The following CNTN6 variants were observed in gnomAD, a reference collection of about 807,000 sequenced individuals.
The protein encoded by CNTN6 is contactin 6.
A neutral mutation model predicts 122.8 loss-of-function variants in CNTN6; 137 were observed. The observed-to-expected ratio is 1.12, with a 90% confidence interval of 0.97 to 1.29. The LOEUF (loss-of-function observed/expected upper bound fraction) is 1.29. CNTN6 is among the 50% of genes most tolerant of loss of function. CNTN6 has a pLI of 0.00. For missense variants in CNTN6, 1,634 were observed against 1,223.4 expected, an observed-to-expected ratio of 1.34 and a Z score of -5.01; for synonymous variants, 570 against 426.0, an observed-to-expected ratio of 1.34 and a Z score of -4.16.
chr3:1,324,452 C>A (rs17037668), intron 8 of CNTN6, among the ~76,000 whole-genome samples: 2 of 149,536 alleles, frequency 1.3e-5, no homozygotes, highest in Non-Finnish European at 2.9e-5. Context: ...GCAAAACTAC[C>A]AAGCACATCT....
At position 1,128,546 on chromosome 3, in the gene CNTN6, A is replaced by G. The variant is rs147551454; in HGVS notation, c.-82-19381A>G. ...AATCACACAGAAAATTAGGCATGGT[A>G]CCTGCACCAACACTTAAGTATATAA... is the stretch of plus-strand genomic sequence containing the variant. On this transcript the variant is annotated intron_variant, in intron 1 of 22. Coordinates refer to ENST00000446702, the MANE Select transcript of CNTN6 (RefSeq NM_001289080.2). Among the ~76,000 whole-genome samples, 99 of 152,170 alleles carry G rather than the reference A, an allele frequency of 6.5e-4. 2 individuals carry two copies. The East Asian group carries it at 0.018, about 28-fold the overall frequency.
In CNTN6 at chr3:1,393,436, T is replaced by C. The variant is rs1434665631; in HGVS notation, c.2704+7639T>C. 4.1e-4 allele frequency among the ~76,000 whole-genome samples: 55 copies of C among 135,638 alleles called. No individual in the cohort carries two copies. The Middle Eastern group carries it at 0.011, about 28-fold the overall frequency. 89.0% of individuals were successfully genotyped at this position (135,638 alleles called of 152,430 possible). A position where few individuals can be genotyped will look rare whatever the true frequency, so the allele number is the denominator to read the frequency against. On this transcript the variant is annotated intron_variant, in intron 20 of 22. Transcript: ENST00000446702. Reference sequence around the variant, plus strand: ...GTGGGGGGAGGGGGGAGGGATAGCATTGGGAGATATACCTAATGCTAGATG... The same window carrying C: ...GTGGGGGGAGGGGGGAGGGATAGCACTGGGAGATATACCTAATGCTAGATG...
At chr3:1,246,902 T>C (rs952241881) in intron 4 of CNTN6, among the ~76,000 whole-genome samples, 2 of 152,184 alleles carry the variant, frequency 1.3e-5, no homozygotes, top group African/African-American at 2.4e-5. Context: ...TCATTAGTGA[T>C]TGATTCTAGA....
At chr3:1,298,196 G>A (rs1167391216) in intron 7 of CNTN6, 2 of 501,554 alleles carry the variant, frequency 4.0e-6, no homozygotes, top group African/African-American at 3.9e-5. Context: ...AATGATCAGG[G>A]CTGCAATTCT....
At chr3:1,352,543 G>T in intron 12 of CNTN6, 92 bp downstream of exon 12, 2 of 1,450,492 alleles carry the variant, frequency 1.4e-6, no homozygotes, top group Non-Finnish European at 1.9e-6. Context: ...GTACCATATT[G>T]TGTATGTAAA....
At chr3:1,299,838 C>G (rs1027723982) in intron 7 of CNTN6, among the ~76,000 whole-genome samples, 1 of 152,170 alleles carries the variant, frequency 6.6e-6, no homozygotes, top group Admixed American at 6.5e-5. Context: ...ACCATATTTT[C>G]ATCTGAAAGG....
intron 2 of CNTN6, among the ~76,000 whole-genome samples, chr3:1,202,304 G>T (rs2093885958): frequency 6.6e-6 from 1 of 152,224 alleles, no homozygotes; most frequent in Admixed American, 6.5e-5. Context: ...ACTTCGGAAG[G>T]CCGAGGCGGG....
At chr3:1,342,055 A>T (rs781715271) in intron 11 of CNTN6, among the ~76,000 whole-genome samples, 2 of 152,094 alleles carry the variant, frequency 1.3e-5, no homozygotes, top group Non-Finnish European at 2.9e-5. Flanking sequence ...ATAGTTAAAA[A>T]TATGTATTTC....
chr3:1,093,840 C>T (rs1039048257), intron 1 of CNTN6, among the ~76,000 whole-genome samples: 20 of 152,206 alleles, frequency 1.3e-4, no homozygotes, highest in African/African-American at 4.8e-4. Flanking sequence ...TGAGATTAGC[C>T]ACGTATAACC....
chr3:1,244,727 C>G (rs9867484), intron 4 of CNTN6, among the ~76,000 whole-genome samples: 1 of 151,646 alleles, frequency 6.6e-6, no homozygotes, highest in Non-Finnish European at 1.5e-5. Flanking sequence ...AGAGAGTCAG[C>G]GAAGGGAGAT....
intron 2 of CNTN6, among the ~76,000 whole-genome samples, chr3:1,198,884 T>C (rs900632167): frequency 1.3e-5 from 2 of 152,148 alleles, no homozygotes; most frequent in Non-Finnish European, 2.9e-5. Flanking sequence ...ATCTTGTAAT[T>C]TGTTAAAACC....
chr3:1,282,364 C>G (rs6786142), intron 5 of CNTN6, among the ~76,000 whole-genome samples: 1 of 151,928 alleles, frequency 6.6e-6, no homozygotes, highest in Non-Finnish European at 1.5e-5. Flanking sequence ...CATCACAGTG[C>G]AAAAGAAAAA....
intron 5 of CNTN6, among the ~76,000 whole-genome samples, chr3:1,278,806 G>A (rs958407889): frequency 6.6e-6 from 1 of 152,160 alleles, no homozygotes; most frequent in East Asian, 1.9e-4. Flanking sequence ...TGCTGTGACA[G>A]GCAAACTTCA....
At chr3:1,255,416 G>GAA (rs112987509) in intron 4 of CNTN6, among the ~76,000 whole-genome samples, 8,462 of 116,972 alleles carry the variant, frequency 0.072, 302 homozygotes, top group Middle Eastern at 0.14. Flanking sequence ...ATTTGAAAAT[G>GAA]GAAAAAAAAA....
chr3:1,403,199 GTATAA>G, intron 22 of CNTN6, 114 bp from the exon 23 acceptor site: 1 of 617,012 alleles, frequency 1.6e-6, no homozygotes, highest in Non-Finnish European at 2.8e-6. Flanking sequence ...AATGAGACAA[GTATAA>G]TAAAATATGT....
intron 12 of CNTN6, among the ~76,000 whole-genome samples, chr3:1,359,764 G>C (rs1237505186): frequency 6.6e-6 from 1 of 151,974 alleles, no homozygotes; most frequent in East Asian, 1.9e-4. Flanking sequence ...TTTATTTCTG[G>C]CTTGCTACAC....
chr3:1,345,520 A>G (rs1437759435), intron 11 of CNTN6, among the ~76,000 whole-genome samples: 1 of 152,176 alleles, frequency 6.6e-6, no homozygotes, highest in Non-Finnish European at 1.5e-5. Flanking sequence ...TTGTAGATTG[A>G]CTTTTTATGT....
chr3:1,372,437 T>TA lies in CNTN6; in HGVS notation c.1638dup (p.Gly547ArgfsTer6), dbSNP rs1161761565. 2.8e-5 allele frequency: 45 copies of TA among 1,611,286 alleles called. No individual in the cohort carries two copies. The highest frequency in any genetic ancestry group is 3.6e-5 in the Non-Finnish European group (43 of 1,178,990). On this transcript the variant is annotated frameshift_variant, in exon 13 of 23. Transcript: ENST00000446702. LOFTEE classifies it high-confidence loss of function. The stretch of plus-strand genomic sequence containing the variant: ...TTTTTCAATGGAGATGTCATAGACT[T>TA]AAAAAAAGGAGTGGCTCATTTTGAA...
intron 4 of CNTN6, among the ~76,000 whole-genome samples, chr3:1,235,653 A>G (rs1316353188): frequency 6.6e-6 from 1 of 152,140 alleles, no homozygotes; most frequent in African/African-American, 2.4e-5. Flanking sequence ...GACTCACATC[A>G]TACTTTGCCC....
Sources: allele counts gnomAD v4.1 joint callset (sites outside exome capture counted in the v4.1 genomes callset), GRCh38; gene constraint gnomAD v4.1.1; transcripts MANE v1.5; gene names NCBI Gene and HGNC (gene_info 2026-07-23, HGNC 2026-07-21).